Variants in SGCZ observed in about 807,000 individuals in gnomAD.
SGCZ encodes sarcoglycan zeta.
In SGCZ, 40 loss-of-function variants were observed where a neutral mutation model predicts 41.3. The ratio of observed to expected loss-of-function variants is 0.97; its 90% CI spans 0.75 to 1.26. SGCZ has a LOEUF of 1.26. Among genes scored for constraint, SGCZ ranks in the 50% most tolerant of loss-of-function variants. The probability of loss-of-function intolerance (pLI) is 0.00; values close to 1 mark genes in which losing one functional copy is unlikely to be tolerated. For synonymous variants in SGCZ, 206 were observed against 137.5 expected (o/e 1.50, Z -3.49); for missense variants, 552 against 369.8 (o/e 1.49, Z -4.04).
At chr8:15,233,220 T>C (rs944822847) in intron 1 of SGCZ, among the ~76,000 whole-genome samples, 2 of 150,488 alleles carry the variant, frequency 1.3e-5, no homozygotes, top group Admixed American at 6.7e-5. Context: ...TTTTTCACTA[T>C]AGAATGACTA....
intron 1 of SGCZ, among the ~76,000 whole-genome samples, chr8:14,992,799 T>C (rs939302542): frequency 1.4e-5 from 2 of 143,254 alleles, no homozygotes; most frequent in East Asian, 4.4e-4. Flanking sequence ...CCAAAACTAG[T>C]GTTACCCTTG....
At chr8:14,305,916 G>A (rs1257277916) in intron 3 of SGCZ, among the ~76,000 whole-genome samples, 1 of 152,172 alleles carries the variant, frequency 6.6e-6, no homozygotes, top group African/African-American at 2.4e-5. Context: ...ACGTGTTCAA[G>A]CCCGGACTAA....
At chr8:14,767,073 T>G (rs1800060080) in intron 1 of SGCZ, among the ~76,000 whole-genome samples, 1 of 152,232 alleles carries the variant, frequency 6.6e-6, no homozygotes, top group Non-Finnish European at 1.5e-5. Flanking sequence ...TGTTTTATTT[T>G]TACATATTCT....
Position 14,295,290 on chromosome 8 carries a change from G to T in SGCZ, c.336+28813C>A, listed in dbSNP as rs528498070. Among the ~76,000 whole-genome samples the T allele has an allele frequency of 1.4e-3, 220 of 152,228 alleles. 2 individuals carry two copies. The highest frequency in any genetic ancestry group is 5.1e-3 in the African/African-American group (214 of 41,554). On this transcript the variant is annotated intron_variant, in intron 3 of 7. Transcript: ENST00000382080. ...CAAGATTACTGATGAATGCAAGATG[G>T]ATGAATCTCAGAACTCACTGTAGTA...
chr8:15,087,634 G>C (rs971145553), intron 1 of SGCZ, among the ~76,000 whole-genome samples: 1 of 152,120 alleles, frequency 6.6e-6, no homozygotes, highest in Non-Finnish European at 1.5e-5. Flanking sequence ...CGAAAAAAAT[G>C]ACAGTGTTTA....
chr8:14,169,980 A>T (rs1365692993), intron 4 of SGCZ, among the ~76,000 whole-genome samples: 1 of 152,078 alleles, frequency 6.6e-6, no homozygotes, highest in Non-Finnish European at 1.5e-5. Context: ...AAACTTTCCT[A>T]TTACTTGAAT....
chr8:14,949,513 G>T (rs558299851), intron 1 of SGCZ, among the ~76,000 whole-genome samples: 50 of 152,176 alleles, frequency 3.3e-4, no homozygotes, highest in African/African-American at 1.2e-3. Context: ...ATTATCATAA[G>T]AAGTTATTAT....
chr8:15,040,878 A>G (rs1804069910), intron 1 of SGCZ, among the ~76,000 whole-genome samples: 1 of 152,174 alleles, frequency 6.6e-6, no homozygotes, highest in African/African-American at 2.4e-5. Context: ...GGACTGATAA[A>G]TTGTGTTAGA....
chr8:15,166,618 T>C (rs1231021562), intron 1 of SGCZ, among the ~76,000 whole-genome samples: 1 of 152,196 alleles, frequency 6.6e-6, no homozygotes, highest in Non-Finnish European at 1.5e-5. Context: ...ATATGGGATT[T>C]CTAAAAATTC....
intron 4 of SGCZ, among the ~76,000 whole-genome samples, chr8:14,198,119 G>C (rs1042870268): frequency 3.3e-5 from 5 of 152,160 alleles, no homozygotes; most frequent in Admixed American, 1.3e-4. Context: ...CAATTCATAA[G>C]TTTTAAACTG....
chr8:14,482,733 G>A (rs936657568), intron 2 of SGCZ, among the ~76,000 whole-genome samples: 9 of 151,966 alleles, frequency 5.9e-5, no homozygotes, highest in Non-Finnish European at 1.3e-4. Context: ...CTGAGGGCCC[G>A]AATAGAACAA....
intron 1 of SGCZ, among the ~76,000 whole-genome samples, chr8:15,183,158 A>G (rs1223805669): frequency 8.3e-6 from 1 of 120,848 alleles, no homozygotes; most frequent in Non-Finnish European, 1.7e-5. Flanking sequence ...TTTTACAGTT[A>G]ACTTTTTTTA....
intron 1 of SGCZ, among the ~76,000 whole-genome samples, chr8:14,807,746 G>T (rs980553081): frequency 6.5e-4 from 98 of 151,814 alleles, no homozygotes; most frequent in African/African-American, 2.3e-3. Flanking sequence ...AGTTCATATG[G>T]AACCAAAAAA....
chr8:14,453,542 A>C (rs1203057760), intron 2 of SGCZ, among the ~76,000 whole-genome samples: 1 of 152,226 alleles, frequency 6.6e-6, no homozygotes, highest in Non-Finnish European at 1.5e-5. Flanking sequence ...GAAGAAAAAG[A>C]AGCCCAAATT....
chr8:14,469,747 G>T (rs1415445246), intron 2 of SGCZ, among the ~76,000 whole-genome samples: 1 of 151,920 alleles, frequency 6.6e-6, no homozygotes, highest in African/African-American at 2.4e-5. Flanking sequence ...AATGGCTGAT[G>T]GTTTAATCAA....
At chr8:14,952,645 T>C (rs1019073728) in intron 1 of SGCZ, among the ~76,000 whole-genome samples, 3 of 152,208 alleles carry the variant, frequency 2.0e-5, no homozygotes, top group Non-Finnish European at 4.4e-5. Context: ...GGATGGTTTA[T>C]AGCCCTCAGG....
At chr8:14,099,595 G>A (rs1190202460) in intron 7 of SGCZ, among the ~76,000 whole-genome samples, 1 of 152,032 alleles carries the variant, frequency 6.6e-6, no homozygotes, top group East Asian at 1.9e-4. Flanking sequence ...AATGGTGGCA[G>A]GTGCCTGTAA....
intron 3 of SGCZ, among the ~76,000 whole-genome samples, chr8:14,312,440 T>C (rs1801578215): frequency 1.3e-5 from 2 of 152,168 alleles, no homozygotes; most frequent in African/African-American, 4.8e-5. Context: ...AAGAATATAC[T>C]AGTTGGAGAA....
intron 1 of SGCZ, among the ~76,000 whole-genome samples, chr8:14,857,037 T>A (rs1803564637): frequency 6.6e-6 from 1 of 152,070 alleles, no homozygotes; most frequent in African/African-American, 2.4e-5. Flanking sequence ...TGGGGCAGAA[T>A]TCTCATGAAT....
Sources: gnomAD v4.1 joint callset for allele counts (sites outside exome capture counted in the v4.1 genomes callset) on GRCh38, gnomAD v4.1.1 for gene constraint, MANE v1.5 for transcripts, NCBI Gene and HGNC (gene_info 2026-07-23, HGNC 2026-07-21) for gene names.